Variants in AFF2 observed in about 807,000 individuals in gnomAD.
AFF2 encodes ALF transcription elongation factor 2.
Under a neutral mutation model 76.9 loss-of-function variants are expected in AFF2, and 14 were observed. That is an observed-to-expected ratio of 0.18 (90% confidence interval 0.12 to 0.28). The LOEUF is 0.28. Among genes scored for constraint, AFF2 ranks in the 10% least tolerant of loss-of-function variants. The probability of loss-of-function intolerance (pLI) is 1.00; values close to 1 mark genes in which losing one functional copy is unlikely to be tolerated. For missense variants in AFF2, 868 were observed against 1,001.1 expected (o/e 0.87, Z 1.79); for synonymous variants, 398 against 366.7 (o/e 1.09, Z -0.98).
Position 148,963,048 on chromosome X carries a change from A to G in AFF2, c.2913+111A>G, listed in dbSNP as rs1377885541. On this transcript the variant is annotated intron_variant, in intron 13 of 20. Transcript: ENST00000370460. Reference sequence around the variant, plus strand: ...GGAGGAAGGGAGGAAGATGCAGAGAAGAAATATGAGAGGCCTGTGTATACA... The same window carrying G: ...GGAGGAAGGGAGGAAGATGCAGAGAGGAAATATGAGAGGCCTGTGTATACA... 43 of 519,533 alleles carry G rather than the reference A, an allele frequency of 8.3e-5. No homozygotes were observed. In the East Asian group the frequency reaches 1.5e-3, roughly 18 times the overall value. 42.8% of individuals were successfully genotyped at this position (519,533 alleles called of 1,213,427 possible).
chrX:148,743,069 A>G (rs1429843389), intron 3 of AFF2, among the ~76,000 whole-genome samples: 1 of 112,106 alleles, frequency 8.9e-6, no homozygotes, highest in Non-Finnish European at 1.9e-5. Context: ...TTCTGTCTAA[A>G]CGTTCAGGCT....
chrX:148,515,917 A>C (rs534357221), intron 1 of AFF2, among the ~76,000 whole-genome samples: 2 of 111,845 alleles, frequency 1.8e-5, no homozygotes, highest in African/African-American at 6.5e-5. Context: ...CTAGCCAAAA[A>C]ACAAAAACAA....
chrX:148,773,714 GAAAGAAAGAAAGAAAGAAAGA>G (rs1569555323), intron 3 of AFF2, among the ~76,000 whole-genome samples: 47 of 97,969 alleles, frequency 4.8e-4, no homozygotes, highest in African/African-American at 1.9e-3. Flanking sequence ...AAGAAAGAAA[GAAAGAAAGAAAGAAAGAAAGA>G]AAGAAAGAAA....
intron 3 of AFF2, among the ~76,000 whole-genome samples, chrX:148,743,055 C>T (rs1295083417): frequency 8.9e-6 from 1 of 112,147 alleles, no homozygotes; most frequent in Non-Finnish European, 1.9e-5. Flanking sequence ...TTCTAGCCAG[C>T]TCCTTCTGTC....
At chrX:148,546,635 G>A (rs1213882545) in intron 1 of AFF2, among the ~76,000 whole-genome samples, 1 of 112,007 alleles carries the variant, frequency 8.9e-6, no homozygotes, top group African/African-American at 3.2e-5. Context: ...CATTAATATT[G>A]TTTCATTAAT....
intron 7 of AFF2, among the ~76,000 whole-genome samples, chrX:148,871,007 T>A (rs2070967123): frequency 9.0e-6 from 1 of 110,886 alleles, no homozygotes; most frequent in African/African-American, 3.3e-5. Flanking sequence ...TTCTGAATGC[T>A]GATCATAATT....
intron 9 of AFF2, among the ~76,000 whole-genome samples, chrX:148,931,727 A>G (rs1161201931): frequency 9.0e-6 from 1 of 111,667 alleles, no homozygotes; most frequent in Non-Finnish European, 1.9e-5. Flanking sequence ...CTTTCTGAAA[A>G]TGCATTGGGA....
At chrX:148,687,670 T>G (rs1351023068) in intron 3 of AFF2, among the ~76,000 whole-genome samples, 1 of 110,459 alleles carries the variant, frequency 9.1e-6, no homozygotes, top group African/African-American at 3.3e-5. Context: ...TCTCTTTTTA[T>G]GCAATGTGGA....
At position 148,987,506 on chromosome X, in the gene AFF2, C is replaced by T. The variant is rs782758944; in HGVS notation, c.3763C>T (p.Arg1255Trp). The T allele has an allele frequency of 5.0e-6, 6 of 1,211,413 alleles. No individual in the cohort carries two copies. The highest frequency in any genetic ancestry group is 2.3e-4 in the Middle Eastern group (1 of 4,351). Residue 1255 changes from arginine to tryptophan, a missense_variant, in exon 20 of 21, where the codon CGG becomes TGG. Arg to Trp is a moderately radical substitution (Grantham distance 101). Transcript: ENST00000370460. ...CGTCAACATCACTAGCAATGTGTTA[C>T]GGGGCTATGAACACTGGGATATGGC... ...SHVNITSNVL[R>W]GYEHWDMADK...
intron 9 of AFF2, among the ~76,000 whole-genome samples, chrX:148,909,759 G>A (rs1310216639): frequency 1.8e-5 from 2 of 111,831 alleles, no homozygotes; most frequent in Admixed American, 1.9e-4. Flanking sequence ...TGTTATCAGA[G>A]CTTGATTAGT....
intron 1 of AFF2, among the ~76,000 whole-genome samples, chrX:148,577,924 C>T (rs1252543936): frequency 1.8e-5 from 2 of 112,317 alleles, no homozygotes; most frequent in African/African-American, 3.2e-5. Context: ...CCAACTGCAT[C>T]GCTGGCCAGG....
intron 1 of AFF2, among the ~76,000 whole-genome samples, chrX:148,639,600 G>T (rs782807547): frequency 1.8e-4 from 20 of 111,824 alleles, no homozygotes; most frequent in Admixed American, 1.9e-4. Context: ...CAATGGAATT[G>T]CTCCTGTGCT....
At chrX:148,629,281 A>G (rs952421119) in intron 1 of AFF2, among the ~76,000 whole-genome samples, 18 of 111,648 alleles carry the variant, frequency 1.6e-4, no homozygotes, top group Non-Finnish European at 3.2e-4. Context: ...AATATTGAGA[A>G]TGGAACAGCA....
Position 148,804,670 on chromosome X carries a change from A to G in AFF2, c.1042-5206A>G, listed in dbSNP as rs2070104041. ...GATGCCCAGGATTTTTGCTGTATTG[A>G]AATGAAATTGGAAGATGAGCTGGTT... On this transcript the variant is annotated intron_variant, in intron 3 of 20. Coordinates refer to ENST00000370460, the MANE Select transcript of AFF2 (RefSeq NM_002025.4). 1.8e-5 allele frequency among the ~76,000 whole-genome samples: 2 copies of G among 112,596 alleles called. 1 individual carries two copies. Among genetic ancestry groups the G allele is most frequent in the South Asian group, 7.3e-4 (2 of 2,728 alleles).
chrX:148,743,241 A>C (rs910135936), intron 3 of AFF2, among the ~76,000 whole-genome samples: 1 of 112,355 alleles, frequency 8.9e-6, no homozygotes, highest in Non-Finnish European at 1.9e-5. Context: ...TGCATGAATG[A>C]GGTGTTTTTC....
At chrX:148,754,536 G>A (rs1330176000) in intron 3 of AFF2, among the ~76,000 whole-genome samples, 1 of 110,844 alleles carries the variant, frequency 9.0e-6, no homozygotes, top group Non-Finnish European at 1.9e-5. Context: ...CTTCTTCTAG[G>A]GATCCAAACA....
intron 2 of AFF2, among the ~76,000 whole-genome samples, chrX:148,659,188 T>C (rs2054281661): frequency 8.9e-6 from 1 of 112,346 alleles, no homozygotes; most frequent in South Asian, 3.7e-4. Flanking sequence ...TTTTAAAACC[T>C]AGATATGGAA....
chrX:148,523,807 A>G (rs782064645), intron 1 of AFF2, among the ~76,000 whole-genome samples: 5 of 112,085 alleles, frequency 4.5e-5, no homozygotes, highest in African/African-American at 1.6e-4. Flanking sequence ...CTGCTCCAGA[A>G]AATCCTTGGA....
chrX:148,895,822 CTCT>C (rs1298321991), intron 8 of AFF2, among the ~76,000 whole-genome samples: 1 of 110,721 alleles, frequency 9.0e-6, no homozygotes. Flanking sequence ...CTCATTTTCC[CTCT>C]TCTTCTCCCC....
Sources: gnomAD v4.1 joint callset for allele counts (sites outside exome capture counted in the v4.1 genomes callset) on GRCh38, gnomAD v4.1.1 for gene constraint, MANE v1.5 for transcripts, NCBI Gene and HGNC (gene_info 2026-07-23, HGNC 2026-07-21) for gene names.